TMC6: variants seen among roughly 807,000 people sequenced by gnomAD.
TMC6 encodes transmembrane channel-like protein 6.
Under a neutral mutation model 95.4 loss-of-function variants are expected in TMC6, and 71 were observed. That is an observed-to-expected ratio of 0.74 (90% CI 0.61 to 0.91). The LOEUF is 0.91. Ranked by LOEUF, TMC6 falls within the 40% of genes least tolerant of loss-of-function variation. TMC6 has a pLI of 0.00. For synonymous variants in TMC6, 514 were observed against 483.1 expected, an observed-to-expected ratio of 1.06 and a Z score of -0.84; for missense variants, 1,074 against 1,079.1, an observed-to-expected ratio of 1.00 and a Z score of 0.07.
At chr17:78,120,541 T>A in intron 13 of TMC6, 112 bp downstream of exon 13, 3 of 1,466,364 alleles carry the variant, frequency 2.0e-6, no homozygotes, top group Non-Finnish European at 2.9e-6. Flanking sequence ...CTCTGAAGGG[T>A]GGAGACACAG....
At chr17:78,116,474 T>C (rs1484976048) in intron 18 of TMC6, among the ~76,000 whole-genome samples, 1 of 152,074 alleles carries the variant, frequency 6.6e-6, no homozygotes, top group Admixed American at 6.5e-5. Context: ...GGTTTCACTC[T>C]GTTGCCCAGG....
chr17:78,113,332 T>G, intron 19 of TMC6, 121 bp from the exon 20 acceptor site: 1 of 1,296,646 alleles, frequency 7.7e-7, no homozygotes, highest in Non-Finnish European at 1.1e-6. Flanking sequence ...TCTCCTGAGA[T>G]GTATTTTAGG....
intron 18 of TMC6, among the ~76,000 whole-genome samples, chr17:78,114,201 C>T (rs1045189338): frequency 2.0e-5 from 3 of 152,134 alleles, no homozygotes; most frequent in Non-Finnish European, 4.4e-5. Flanking sequence ...TCTAGAGGCC[C>T]CTGGCTCTCA....
chr17:78,118,247 A>C, intron 15 of TMC6: 2 of 468,332 alleles, frequency 4.3e-6, no homozygotes, highest in Middle Eastern at 6.2e-4. Context: ...TGAGGAAACA[A>C]AAGGCCAGAC....
intron 9 of TMC6, 110 bp downstream of exon 9, chr17:78,123,879 G>C: frequency 7.1e-7 from 1 of 1,417,744 alleles, no homozygotes; most frequent in Non-Finnish European, 9.8e-7. Context: ...GAGCAGACAG[G>C]TAGATGGACA....
rs1598812718 is a variant in TMC6, at chr17:78,113,015, C to G, written c.*133G>C. On this transcript the variant is annotated 3_prime_UTR_variant, in exon 20 of 20. Coordinates refer to ENST00000590602, the MANE Select transcript of TMC6 (RefSeq NM_001127198.5). ...GCCGGATTCACCCACCCTTCCAGCT[C>G]CAGCCTAGGCGCAGCTGCGGCTTTC... is the stretch of plus-strand genomic sequence containing the variant. 23 of 1,049,816 alleles carry G rather than the reference C, an allele frequency of 2.2e-5. No individual in the cohort carries two copies. The East Asian group carries it at 6.0e-4, about 27-fold the overall frequency. 65.0% of individuals were successfully genotyped at this position (1,049,816 alleles called of 1,614,324 possible). A position where few individuals can be genotyped will look rare whatever the true frequency, so the allele number is the denominator to read the frequency against.
intron 6 of TMC6, 62 bp from the exon 7 acceptor site, chr17:78,125,047 G>T (rs1437033213): frequency 6.5e-7 from 1 of 1,543,110 alleles, no homozygotes; most frequent in East Asian, 2.4e-5. Flanking sequence ...CTCCTTCCTG[G>T]AGACCGGCCA....
chr17:78,125,965 C>T (rs2074691245), intron 4 of TMC6, 81 bp from the exon 5 acceptor site: 10 of 1,526,672 alleles, frequency 6.6e-6, no homozygotes, highest in South Asian at 1.2e-5. Context: ...CAGGCCTCTG[C>T]GTCCCTCACC....
At chr17:78,127,574 C>T (rs1302333259) in intron 1 of TMC6, among the ~76,000 whole-genome samples, 1 of 152,246 alleles carries the variant, frequency 6.6e-6, no homozygotes, top group Non-Finnish European at 1.5e-5. Context: ...TCACCCGGCA[C>T]AACTGGAACC....
At chr17:78,123,058 A>T (rs2074494923) in intron 9 of TMC6, 2 of 492,434 alleles carry the variant, frequency 4.1e-6, no homozygotes, top group Non-Finnish European at 7.5e-6. Context: ...GGGCCTTTGC[A>T]CTGCTGGTCC....
rs1160436744 is a variant in TMC6, at chr17:78,109,481, T to C, written c.*3667A>G. The C allele has an allele frequency of 2.2e-6, 1 of 456,540 alleles. No homozygotes were observed. Among genetic ancestry groups the C allele is most frequent in the Non-Finnish European group, 4.4e-6 (1 of 226,986 alleles). 28.3% of individuals were successfully genotyped at this position (456,540 alleles called of 1,614,324 possible). ...GCCCCTGAACAGCACAAGTGTAGTATGCCTGGGCCCCAGGTCATCATGAAA... is the reference window on the plus strand; with the variant it reads ...GCCCCTGAACAGCACAAGTGTAGTACGCCTGGGCCCCAGGTCATCATGAAA... On this transcript the variant is annotated 3_prime_UTR_variant, in exon 20 of 20. Transcript: ENST00000590602.
chr17:78,126,883 G>T lies in TMC6; in HGVS notation c.-51C>A. The T allele has an allele frequency of 6.3e-7, 1 of 1,598,182 alleles. No homozygotes were observed. Among genetic ancestry groups the T allele is most frequent in the Non-Finnish European group, 8.5e-7 (1 of 1,172,802 alleles). On this transcript the variant is annotated 5_prime_UTR_variant, in exon 2 of 20. Coordinates refer to ENST00000590602, the MANE Select transcript of TMC6 (RefSeq NM_001127198.5). The stretch of plus-strand genomic sequence containing the variant: ...GCAGACCTAGGGTAGCTCAGAGCCT[G>T]GGCGCCACCTCCGGAGCCCCCATCT...
chr17:78,112,345 C>T lies in TMC6; in HGVS notation c.*803G>A, dbSNP rs552853249. ...GCAGACCTGGAGCACGGGGTCATGA[C>T]GGGCTGGTCCCCGAATCCCTGTGCC... is the stretch of plus-strand genomic sequence containing the variant. On this transcript the variant is annotated 3_prime_UTR_variant, in exon 20 of 20. Coordinates refer to ENST00000590602, the MANE Select transcript of TMC6 (RefSeq NM_001127198.5). 17 of 194,108 alleles carry T rather than the reference C, an allele frequency of 8.8e-5. No homozygotes were observed. The highest frequency in any genetic ancestry group is 3.3e-4 in the African/African-American group (14 of 41,886). The allele number at this position is 194,108 out of a possible 1,614,324, so 12.0% of individuals were successfully genotyped here. A position where few individuals can be genotyped will look rare whatever the true frequency, so the allele number is the denominator to read the frequency against.
chr17:78,124,967 C>A lies in TMC6; in HGVS notation c.555G>T (p.Pro185=). 1 of 1,593,464 alleles carries A rather than the reference C, an allele frequency of 6.3e-7. No homozygotes were observed. Among genetic ancestry groups the A allele is most frequent in the South Asian group, 1.1e-5 (1 of 88,860 alleles). ...KRSLREKSRT[P]RGKWRGQPGS... is the part of the protein sequence containing the mutation. ...CCGGCTGGCCCCTCCACTTCCCCCT[C>A]GGGGTCCTGCTCTTCTCTCTGGGGA... Residue 185 remains proline, a synonymous_variant, in exon 7 of 20, where the codon CCG becomes CCT. Transcript: ENST00000590602.
intron 18 of TMC6, among the ~76,000 whole-genome samples, chr17:78,116,245 G>A (rs1417766428): frequency 3.3e-5 from 5 of 150,964 alleles, no homozygotes; most frequent in African/African-American, 9.8e-5. Context: ...CCAAAGTGCT[G>A]GGATTAGAGG....
chr17:78,117,132 T>A (rs2074159801), intron 18 of TMC6, 137 bp downstream of exon 18: 2 of 876,750 alleles, frequency 2.3e-6, no homozygotes, highest in Non-Finnish European at 3.7e-6. Flanking sequence ...CACGTATTGA[T>A]CAGGGTCACT....
At chr17:78,129,519 A>C (rs2074904682), upstream of TMC6, among the ~76,000 whole-genome samples, 1 of 152,116 alleles carries the variant, frequency 6.6e-6, no homozygotes, top group Admixed American at 6.5e-5. This position sits in a 1 kb window ranked among gnomAD's most constrained non-coding sequence, Gnocchi z 4.3. Context: ...CCCCACCCCA[A>C]GCCCATTTGG....
At chr17:78,115,427 C>G (rs558980647) in intron 18 of TMC6, among the ~76,000 whole-genome samples, 2 of 152,124 alleles carry the variant, frequency 1.3e-5, no homozygotes, top group African/African-American at 4.8e-5. Context: ...GGATGGGGAG[C>G]CCTAGGGGGA....
rs1329680050 is a variant in TMC6 at position 78,111,482 on chromosome 17, G to T, written c.*1666C>A. ...TGGAAACCCTACGTCGGTCCCTGTG[G>T]ACTGTCACGTCACTTTCTGGACTGC... On this transcript the variant is annotated 3_prime_UTR_variant, in exon 20 of 20. Transcript: ENST00000590602. 6.6e-6 allele frequency: 1 copy of T among 152,426 alleles called. No individual in the cohort carries two copies. Among genetic ancestry groups the T allele is most frequent in the African/African-American group, 2.4e-5 (1 of 41,472 alleles). The allele number at this position is 152,426 out of a possible 1,614,324, so 9.4% of individuals were successfully genotyped here. A position where few individuals can be genotyped will look rare whatever the true frequency, so the allele number is the denominator to read the frequency against.
Sources: gnomAD v4.1 joint callset for allele counts (sites outside exome capture counted in the v4.1 genomes callset) on GRCh38, gnomAD v4.1.1 for gene constraint, Gnocchi (gnomAD v3.1) non-coding constraint, MANE v1.5 for transcripts, NCBI Gene and HGNC (gene_info 2026-07-23, HGNC 2026-07-21) for gene names.